The following DAPP1 variants were observed in gnomAD, a reference collection of about 807,000 sequenced individuals.
DAPP1 encodes dual adaptor of phosphotyrosine and 3-phosphoinositides 1.
In DAPP1, 20 loss-of-function variants were observed where a neutral mutation model predicts 41.5. That is an observed-to-expected ratio of 0.48 (90% CI 0.34 to 0.70). The LOEUF (loss-of-function observed/expected upper bound fraction) is 0.70, where lower values mean the gene tolerates loss of function less well. DAPP1 is among the 30% of genes least tolerant of loss of function. The pLI, the probability that DAPP1 is intolerant of heterozygous loss-of-function variation, is 0.01. For synonymous variants in DAPP1, 113 were observed against 116.2 expected (o/e 0.97, Z 0.18); for missense variants, 233 against 333.4 (o/e 0.70, Z 2.35).
At chr4:99,817,060 G>T in intron 1 of DAPP1, 46 bp downstream of exon 1, 2 of 1,419,252 alleles carry the variant, frequency 1.4e-6, no homozygotes, top group Non-Finnish European at 9.7e-7. Context: ...GGTGGACATT[G>T]ACTCCGCACT....
intron 8 of DAPP1, among the ~76,000 whole-genome samples, chr4:99,866,860 C>A (rs986010678): frequency 6.9e-6 from 1 of 145,394 alleles, no homozygotes; most frequent in Non-Finnish European, 1.5e-5. Flanking sequence ...ACTTCTGCCT[C>A]TTGAGTTCAA....
chr4:99,834,179 A>G (rs1723217369), intron 1 of DAPP1, among the ~76,000 whole-genome samples: 1 of 152,216 alleles, frequency 6.6e-6, no homozygotes, highest in South Asian at 2.1e-4. Context: ...GCAGAGCAAT[A>G]TGCCTAGAAA....
chr4:99,826,106 C>G (rs113651527), intron 1 of DAPP1, among the ~76,000 whole-genome samples: 1 of 152,152 alleles, frequency 6.6e-6, no homozygotes, highest in Admixed American at 6.5e-5. Context: ...AGTGTGAACG[C>G]CTAATAGATT....
At chr4:99,866,593 T>C (rs1303717421) in intron 8 of DAPP1, 1 of 766,308 alleles carries the variant, frequency 1.3e-6, no homozygotes, top group East Asian at 2.4e-5. Flanking sequence ...GTCTGCTCTC[T>C]GTATATCTCC....
Position 99,853,257 on chromosome 4 carries a change from TG to T in DAPP1, c.400del (p.Glu134LysfsTer60). ...MVLKHPYPRK[V>X]EEPSIYESVR... ...CTAAAACATCCCTACCCAAGAAAAGTGGAAGAACCCTCCATTTATGAATCTG... is the reference window on the plus strand; with the variant it reads ...CTAAAACATCCCTACCCAAGAAAAGTGAAGAACCCTCCATTTATGAATCTG... On this transcript the variant is annotated frameshift_variant, in exon 4 of 9. Transcript: ENST00000512369. LOFTEE classifies it high-confidence loss of function. The T allele has an allele frequency of 6.2e-7, 1 of 1,613,920 alleles. No homozygotes were observed. Among genetic ancestry groups the T allele is most frequent in the African/African-American group, 1.3e-5 (1 of 75,034 alleles).
intron 1 of DAPP1, among the ~76,000 whole-genome samples, chr4:99,829,902 T>C (rs114605792): frequency 0.011 from 1,736 of 152,308 alleles, 40 homozygotes; most frequent in African/African-American, 0.039. Flanking sequence ...CTCTGTGTTG[T>C]GATGTTTGTG....
At chr4:99,871,618 G>A (rs907388055), downstream of DAPP1, among the ~76,000 whole-genome samples, 2 of 152,194 alleles carry the variant, frequency 1.3e-5, no homozygotes, top group African/African-American at 2.4e-5. Flanking sequence ...AGCAAACAGT[G>A]TGCACAACAG....
At position 99,868,178 on chromosome 4, in the gene DAPP1, T is replaced by C; in HGVS notation, c.836T>C (p.Phe279Ser). ...ACGATCCGATCTCGGTCGTTCATCT[T>C]TAAATAGATCTTTCTTGCCAAGGAA... The part of the protein sequence containing the change: ...EGTIRSRSFI[F>S]K The change falls in exon 9 of 9, where the codon TTT becomes TCT. Residue 279 changes from phenylalanine (F) to serine (S), a missense_variant. By Grantham distance (155) the Phe-to-Ser change is radical (BLOSUM62 -2). Coordinates refer to ENST00000512369, the MANE Select transcript of DAPP1 (RefSeq NM_014395.3). The C allele has an allele frequency of 6.2e-7, 1 of 1,613,890 alleles. No homozygotes were observed. Among genetic ancestry groups the C allele is most frequent in the Non-Finnish European group, 8.5e-7 (1 of 1,179,784 alleles).
At chr4:99,842,422 C>T (rs1183871951) in intron 3 of DAPP1, among the ~76,000 whole-genome samples, 5 of 152,366 alleles carry the variant, frequency 3.3e-5, no homozygotes, top group African/African-American at 9.6e-5. Context: ...TTCCTGCTTT[C>T]GGCCCCTCGT....
rs1376690268 is a variant in DAPP1 at position 99,869,936 on chromosome 4, AC to A, written c.*1752del. On this transcript the variant is annotated 3_prime_UTR_variant, in exon 9 of 9. Transcript: ENST00000512369. Reference sequence around the variant, plus strand: ...CAGAGTCAGACTCCGTCCCAAAAAAACAAACAAACAAAACAAAACAAAAAAA... The same window carrying A: ...CAGAGTCAGACTCCGTCCCAAAAAAAAAACAAACAAAACAAAACAAAAAAA... 6.6e-6 allele frequency: 1 copy of A among 151,460 alleles called. No homozygotes were observed. The highest frequency in any genetic ancestry group is 2.4e-5 in the African/African-American group (1 of 41,276). 9.4% of individuals were successfully genotyped at this position (151,460 alleles called of 1,614,324 possible).
At chr4:99,840,105 G>A (rs1723445836) in intron 2 of DAPP1, among the ~76,000 whole-genome samples, 184 bp from the exon 3 acceptor site, 1 of 152,068 alleles carries the variant, frequency 6.6e-6, no homozygotes, top group African/African-American at 2.4e-5. Flanking sequence ...AATAAAAGTT[G>A]AAAAGAGCAA....
chr4:99,830,954 GCTAA>G (rs897457777), intron 1 of DAPP1, among the ~76,000 whole-genome samples: 3 of 152,032 alleles, frequency 2.0e-5, no homozygotes, highest in African/African-American at 7.2e-5. Context: ...TAAATTTGTA[GCTAA>G]CTAATATAGA....
chr4:99,866,213 C>A, intron 8 of DAPP1, 92 bp downstream of exon 8: 1 of 730,556 alleles, frequency 1.4e-6, no homozygotes, highest in East Asian at 2.8e-5. Flanking sequence ...CAGACTAGAC[C>A]CAAGAATCAA....
intron 3 of DAPP1, among the ~76,000 whole-genome samples, chr4:99,840,656 C>A (rs755734186): frequency 6.6e-5 from 10 of 152,046 alleles, no homozygotes; most frequent in Non-Finnish European, 1.3e-4. Flanking sequence ...ATAACATATA[C>A]AATACACACA....
intron 4 of DAPP1, among the ~76,000 whole-genome samples, chr4:99,854,470 C>A (rs1249282340): frequency 3.3e-5 from 5 of 152,188 alleles, no homozygotes; most frequent in Non-Finnish European, 7.3e-5. Context: ...CTTTCTATAT[C>A]TGCAGTACTT....
intron 1 of DAPP1, among the ~76,000 whole-genome samples, chr4:99,831,612 T>C (rs1315895620): frequency 6.6e-6 from 1 of 152,226 alleles, no homozygotes; most frequent in African/African-American, 2.4e-5. Flanking sequence ...TGCTCATGTA[T>C]GGGTGTTTCA....
intron 2 of DAPP1, among the ~76,000 whole-genome samples, chr4:99,836,597 T>A (rs1483623727): frequency 6.6e-6 from 1 of 152,192 alleles, no homozygotes; most frequent in Non-Finnish European, 1.5e-5. Flanking sequence ...GAGTCACTCT[T>A]CCCTTCATAG....
chr4:99,871,394 G>A (rs1560714650), downstream of DAPP1, among the ~76,000 whole-genome samples: 1 of 151,940 alleles, frequency 6.6e-6, no homozygotes, highest in Non-Finnish European at 1.5e-5. Context: ...ACCATCTATT[G>A]CAAAGGATCT....
intron 4 of DAPP1, among the ~76,000 whole-genome samples, chr4:99,861,186 A>G (rs890522024): frequency 6.6e-6 from 1 of 152,222 alleles, no homozygotes; most frequent in South Asian, 2.1e-4. Flanking sequence ...CCTGAAGTAA[A>G]AACATCCTTT....
Sources: gnomAD v4.1 joint callset for allele counts (sites outside exome capture counted in the v4.1 genomes callset) on GRCh38, gnomAD v4.1.1 for gene constraint, MANE v1.5 for transcripts, NCBI Gene and HGNC (gene_info 2026-07-23, HGNC 2026-07-21) for gene names.